The following RNF128 variants were observed in gnomAD, a reference collection of about 807,000 sequenced individuals.
RNF128 encodes the protein E3 ubiquitin-protein ligase RNF128.
RNF128 carries 13 observed loss-of-function variants against 26.2 expected under a neutral mutation model. The observed-to-expected ratio is 0.50, with a 90% CI of 0.32 to 0.79. RNF128 has a LOEUF of 0.79. RNF128 is among the 30% of genes least tolerant of loss of function. The probability of loss-of-function intolerance (pLI) is 0.03; values close to 1 mark genes in which losing one functional copy is unlikely to be tolerated. For synonymous variants in RNF128, 149 were observed against 142.5 expected, an observed-to-expected ratio of 1.05 and a Z score of -0.32; for missense variants, 315 against 349.7, an observed-to-expected ratio of 0.90 and a Z score of 0.79.
chrX:106,721,341 A>C (rs1388259704), intron 1 of RNF128, among the ~76,000 whole-genome samples: 1 of 111,765 alleles, frequency 8.9e-6, no homozygotes, highest in Non-Finnish European at 1.9e-5. Flanking sequence ...TTTAATGGTG[A>C]GAAGCCAGAT....
At position 106,773,131 on chromosome X, in the gene RNF128, C is replaced by G; in HGVS notation, c.703C>G (p.Arg235Gly). 8.3e-7 allele frequency: 1 copy of G among 1,209,867 alleles called. No individual in the cohort carries two copies. The highest frequency in any genetic ancestry group is 1.1e-6 in the Non-Finnish European group (1 of 894,672). The change falls in exon 2 of 7, where the codon CGG becomes GGG. Residue 235 changes from arginine to glycine, a missense_variant. Arg to Gly is a moderately radical substitution (Grantham distance 125). Transcript: ENST00000255499. ...TATCTTTTATTCTGCTCGAAGGCTACGGAATGCAAGAGCTCAAAGCAGGAA... is the reference window on the plus strand; with the variant it reads ...TATCTTTTATTCTGCTCGAAGGCTAGGGAATGCAAGAGCTCAAAGCAGGAA... ...YFIFYSARRL[R>G]NARAQSRKQR...
At chrX:106,704,729 A>G (rs1462288341) in intron 1 of RNF128, among the ~76,000 whole-genome samples, 1 of 111,691 alleles carries the variant, frequency 9.0e-6, no homozygotes. Context: ...GAAGAAAGTA[A>G]TGAGTAGTAC....
At chrX:106,740,428 G>T (rs986462487) in intron 1 of RNF128, among the ~76,000 whole-genome samples, 1 of 111,672 alleles carries the variant, frequency 9.0e-6, no homozygotes, top group Non-Finnish European at 1.9e-5. Context: ...AGTGGTGAAG[G>T]TCATGTCCCA....
At chrX:106,788,802 T>C (rs1267196898) in intron 4 of RNF128, among the ~76,000 whole-genome samples, 2 of 73,205 alleles carry the variant, frequency 2.7e-5, no homozygotes, top group Non-Finnish European at 4.7e-5. Context: ...TAATTATATA[T>C]ACTGTATATA....
At chrX:106,712,736 CAT>C (rs1315537640) in intron 1 of RNF128, among the ~76,000 whole-genome samples, 1 of 111,002 alleles carries the variant, frequency 9.0e-6, no homozygotes, top group African/African-American at 3.3e-5. Flanking sequence ...CAGTTAGTAT[CAT>C]ATATGTTTAC....
intron 1 of RNF128, among the ~76,000 whole-genome samples, chrX:106,762,786 C>T (rs1268921327): frequency 9.1e-6 from 1 of 109,946 alleles, no homozygotes; most frequent in African/African-American, 3.3e-5. Context: ...AAACCAAATA[C>T]CACATGTTCT....
chrX:106,725,152 G>T (rs184223285), upstream of RNF128, among the ~76,000 whole-genome samples: 288 of 111,596 alleles, frequency 2.6e-3, no homozygotes, highest in African/African-American at 9.2e-3. Flanking sequence ...TCTCAGAGGT[G>T]GTTGGTCCTA....
At chrX:106,779,503 A>T (rs1470238550) in intron 2 of RNF128, among the ~76,000 whole-genome samples, 1 of 110,162 alleles carries the variant, frequency 9.1e-6, no homozygotes, top group Non-Finnish European at 1.9e-5. Flanking sequence ...CAGAGAACAG[A>T]GAAGTGGTTG....
intron 1 of RNF128, among the ~76,000 whole-genome samples, chrX:106,756,820 A>T (rs1363948463): frequency 1.0e-5 from 1 of 95,315 alleles, no homozygotes; most frequent in Non-Finnish European, 2.0e-5. Flanking sequence ...ATGGGAGAAA[A>T]TTTTCGCAAC....
chrX:106,697,278 A>G (rs762964411), intron 1 of RNF128, among the ~76,000 whole-genome samples: 34 of 111,999 alleles, frequency 3.0e-4, no homozygotes, highest in South Asian at 2.2e-3. Context: ...AATATTTGGT[A>G]GTTTTTGTGG....
intron 1 of RNF128, among the ~76,000 whole-genome samples, chrX:106,761,739 C>T (rs925410112): frequency 9.0e-5 from 10 of 110,744 alleles, no homozygotes; most frequent in Admixed American, 3.9e-4. Flanking sequence ...TCCCTGTCCT[C>T]TGCTTATCTA....
chrX:106,773,258 T>G, intron 2 of RNF128, 98 bp downstream of exon 2: 1 of 846,344 alleles, frequency 1.2e-6, no homozygotes, highest in East Asian at 3.2e-5. Flanking sequence ...TGCTAGACAA[T>G]GATCTCCCCA....
At chrX:106,715,871 C>A (rs1169383575) in intron 1 of RNF128, among the ~76,000 whole-genome samples, 1 of 111,345 alleles carries the variant, frequency 9.0e-6, no homozygotes, top group Non-Finnish European at 1.9e-5. Context: ...AACTACTCTT[C>A]TCCTCATAAA....
chrX:106,775,190 T>C (rs144964366), intron 2 of RNF128, among the ~76,000 whole-genome samples: 243 of 112,011 alleles, frequency 2.2e-3, no homozygotes, highest in African/African-American at 7.7e-3. Flanking sequence ...ATTTGACATT[T>C]GTATATTGTG....
intron 1 of RNF128, among the ~76,000 whole-genome samples, chrX:106,729,501 T>C (rs1929467481): frequency 9.0e-6 from 1 of 111,606 alleles, no homozygotes; most frequent in Non-Finnish European, 1.9e-5. Flanking sequence ...TACAAATGTA[T>C]GATTGTGCAA....
intron 1 of RNF128, among the ~76,000 whole-genome samples, chrX:106,719,642 G>T (rs141283670): frequency 1.9e-3 from 212 of 111,582 alleles, no homozygotes; most frequent in Non-Finnish European, 3.4e-3. Flanking sequence ...CAAGATCATA[G>T]ATATTTATTT....
chrX:106,787,880 T>C (rs1291543812), intron 3 of RNF128, 38 bp from the exon 4 acceptor site: 1 of 974,272 alleles, frequency 1.0e-6, no homozygotes, highest in Non-Finnish European at 1.4e-6. Context: ...ATGTATTTTT[T>C]CTTATCTGTC....
At chrX:106,733,504 C>G (rs1287556528) in intron 1 of RNF128, among the ~76,000 whole-genome samples, 4 of 111,099 alleles carry the variant, frequency 3.6e-5, no homozygotes, top group Non-Finnish European at 7.5e-5. Flanking sequence ...CTAAAATACC[C>G]ATAATTCTAC....
intron 1 of RNF128, among the ~76,000 whole-genome samples, chrX:106,706,715 G>C (rs1448901992): frequency 8.9e-6 from 1 of 112,138 alleles, no homozygotes; most frequent in Non-Finnish European, 1.9e-5. Flanking sequence ...ACTTTAAACG[G>C]CGAAAGATGT....
Sources: gnomAD v4.1 joint callset for allele counts (sites outside exome capture counted in the v4.1 genomes callset) on GRCh38, gnomAD v4.1.1 for gene constraint, MANE v1.5 for transcripts, NCBI Gene and HGNC (gene_info 2026-07-23, HGNC 2026-07-21) for gene names.